Variants in PABPC4L observed in about 807,000 individuals in gnomAD.
The protein encoded by PABPC4L is polyadenylate-binding protein 4-like.
For synonymous variants in PABPC4L, 169 were observed against 164.1 expected (o/e 1.03, Z -0.23); for missense variants, 452 against 451.4 (o/e 1.00, Z -0.01).
the PABPC4L span, among the ~76,000 whole-genome samples, chr4:134,018,092 C>T: frequency 6.6e-6 from 1 of 152,078 alleles, no homozygotes; most frequent in African/African-American, 2.4e-5. Context: ...GTGAAAATGG[C>T]CTGTTCCTGC....
the PABPC4L span, among the ~76,000 whole-genome samples, chr4:134,117,026 TTCTG>T: frequency 6.6e-6 from 1 of 151,558 alleles, no homozygotes; most frequent in Admixed American, 6.6e-5. Context: ...TCTTCTATTT[TTCTG>T]TCTCTTTTTT....
At chr4:134,147,674 A>G in the PABPC4L span, among the ~76,000 whole-genome samples, 11 of 151,990 alleles carry the variant, frequency 7.2e-5, no homozygotes, top group Non-Finnish European at 1.5e-4. Flanking sequence ...TGTCCATAAC[A>G]TGAGGATTTA....
the PABPC4L span, among the ~76,000 whole-genome samples, chr4:134,015,924 G>C: frequency 1.2e-4 from 18 of 152,122 alleles, no homozygotes; most frequent in East Asian, 2.9e-3. Context: ...CCTCACACCT[G>C]ACACATATAC....
At chr4:133,999,394 T>C in the PABPC4L span, among the ~76,000 whole-genome samples, 1 of 152,130 alleles carries the variant, frequency 6.6e-6, no homozygotes, top group Non-Finnish European at 1.5e-5. Context: ...GGCTTTGATG[T>C]AATGCTTCCT....
chr4:134,112,892 C>T, the PABPC4L span, among the ~76,000 whole-genome samples: 1 of 151,762 alleles, frequency 6.6e-6, no homozygotes, highest in East Asian at 1.9e-4. Context: ...TAGCTCAATG[C>T]GTGTTACTGC....
chr4:134,179,783 C>CA, the PABPC4L span, among the ~76,000 whole-genome samples: 126 of 148,086 alleles, frequency 8.5e-4, 1 homozygote, highest in South Asian at 1.1e-3. Context: ...TCAAAAAAGG[C>CA]AAAAAAAAAT....
At chr4:133,972,265 G>A in the PABPC4L span, among the ~76,000 whole-genome samples, 2 of 152,088 alleles carry the variant, frequency 1.3e-5, no homozygotes, top group African/African-American at 2.4e-5. Context: ...GGTGATTAAA[G>A]CAAATATACT....
the PABPC4L span, among the ~76,000 whole-genome samples, chr4:134,141,665 T>C: frequency 4.1e-4 from 62 of 151,736 alleles, no homozygotes; most frequent in African/African-American, 1.3e-3. Context: ...TTATCTTCCT[T>C]TTCCAAAATT....
the PABPC4L span, among the ~76,000 whole-genome samples, chr4:133,982,448 G>C: frequency 6.6e-6 from 1 of 151,926 alleles, no homozygotes; most frequent in Admixed American, 6.6e-5. Context: ...GGAAACTTAA[G>C]AAATAGTTGC....
At chr4:134,065,569 T>A in the PABPC4L span, among the ~76,000 whole-genome samples, 33 of 152,068 alleles carry the variant, frequency 2.2e-4, no homozygotes, top group Non-Finnish European at 1.0e-4. Context: ...CTGGAGGTAG[T>A]CTGTTTGCTC....
the PABPC4L span, among the ~76,000 whole-genome samples, chr4:134,097,093 G>A: frequency 6.6e-6 from 1 of 151,916 alleles, no homozygotes; most frequent in Non-Finnish European, 1.5e-5. Context: ...ATGCTCATCA[G>A]AATTTGATTA....
chr4:134,065,543 A>C, the PABPC4L span, among the ~76,000 whole-genome samples: 1 of 152,056 alleles, frequency 6.6e-6, no homozygotes. Flanking sequence ...ATTGTCTGCA[A>C]ATACTTTCTT....
chr4:134,182,815 C>T, the PABPC4L span, among the ~76,000 whole-genome samples: 1 of 151,692 alleles, frequency 6.6e-6, no homozygotes, highest in Non-Finnish European at 1.5e-5. Flanking sequence ...AGACACTGTT[C>T]AAAAAAAGAC....
chr4:134,132,491 T>G, the PABPC4L span, among the ~76,000 whole-genome samples: 1 of 151,466 alleles, frequency 6.6e-6, no homozygotes, highest in Non-Finnish European at 1.5e-5. Context: ...AGCAGAGAAA[T>G]GCACCCAAAA....
the PABPC4L span, among the ~76,000 whole-genome samples, chr4:133,949,046 G>T: frequency 6.6e-6 from 1 of 152,190 alleles, no homozygotes; most frequent in African/African-American, 2.4e-5. Flanking sequence ...CAAGGTTCCT[G>T]GTCTAAAGTA....
chr4:134,057,452 C>T, the PABPC4L span, among the ~76,000 whole-genome samples: 2 of 152,066 alleles, frequency 1.3e-5, no homozygotes, highest in Non-Finnish European at 2.9e-5. Context: ...ATCTAGCACT[C>T]TGACATCATC....
the PABPC4L span, among the ~76,000 whole-genome samples, chr4:134,033,077 T>G: frequency 2.0e-5 from 3 of 151,106 alleles, no homozygotes; most frequent in African/African-American, 7.3e-5. Context: ...ATCCAGCAAG[T>G]CTATAGGCAC....
At chr4:133,951,205 A>G in the PABPC4L span, among the ~76,000 whole-genome samples, 1 of 152,160 alleles carries the variant, frequency 6.6e-6, no homozygotes. Flanking sequence ...CTCATCATGT[A>G]ATGGAGCTTC....
At chr4:134,090,540 G>A in the PABPC4L span, among the ~76,000 whole-genome samples, 1 of 152,020 alleles carries the variant, frequency 6.6e-6, no homozygotes, top group Non-Finnish European at 1.5e-5. Flanking sequence ...AGCTGCGATA[G>A]GATGACTTGA....
Sources: gnomAD v4.1 joint callset for allele counts (sites outside exome capture counted in the v4.1 genomes callset) on GRCh38, gnomAD v4.1.1 for gene constraint, MANE v1.5 for transcripts, NCBI Gene and HGNC (gene_info 2026-07-23, HGNC 2026-07-21) for gene names.